The following ABCA13 variants were observed in gnomAD, a reference collection of about 807,000 sequenced individuals.
The protein encoded by ABCA13 is ATP binding cassette subfamily A member 13.
Under a neutral mutation model 478.7 loss-of-function variants are expected in ABCA13, and 476 were observed. The observed-to-expected ratio is 0.99, with a 90% confidence interval of 0.92 to 1.07. The LOEUF (loss-of-function observed/expected upper bound fraction) is 1.07. Among genes scored for constraint, ABCA13 ranks in the 50% least tolerant of loss-of-function variants. The probability of loss-of-function intolerance (pLI) is 0.00; values close to 1 mark genes in which losing one functional copy is unlikely to be tolerated. For missense variants in ABCA13, 6,060 were observed against 5,910.6 expected (o/e 1.03, Z -0.83); for synonymous variants, 2,252 against 2,158.9 (o/e 1.04, Z -1.20).
rs1419540869 is a variant in ABCA13 at position 48,387,939 on chromosome 7, A to G, written c.11453A>G (p.Asn3818Ser). The G allele has an allele frequency of 3.7e-6, 6 of 1,611,550 alleles. No homozygotes were observed. The highest frequency in any genetic ancestry group is 1.7e-4 in the Middle Eastern group (1 of 6,044). Residue 3818 changes from asparagine to serine, a missense_variant, in exon 36 of 62, where the codon AAT (asparagine) becomes AGT (serine). This residue lies in a region of ABCA13 where 1,627 missense variants were observed against 1,571.0 expected (regional missense o/e 1.04). Coordinates refer to ENST00000435803, the MANE Select transcript of ABCA13 (RefSeq NM_152701.5). Reference sequence around the variant, plus strand: ...CTAAGTTCTAGTCTGTTCTTCTTCAATGAGAACTTTGACAATAAAGGTTTG... The same window carrying G: ...CTAAGTTCTAGTCTGTTCTTCTTCAGTGAGAACTTTGACAATAAAGGTTTG... ...YFLSSSLFFFNENFDNKGSSL... is the reference protein window; with the variant it reads ...YFLSSSLFFFSENFDNKGSSL...
chr7:48,222,825 G>A (rs11772774), intron 5 of ABCA13, among the ~76,000 whole-genome samples: 5,818 of 152,148 alleles, frequency 0.038, 199 homozygotes, highest in Admixed American at 0.11. Flanking sequence ...CTGAGCAGAG[G>A]AATGGTGGGA....
intron 35 of ABCA13, among the ~76,000 whole-genome samples, chr7:48,383,332 C>T (rs1247793230): frequency 6.6e-6 from 1 of 152,146 alleles, no homozygotes; most frequent in Non-Finnish European, 1.5e-5. Flanking sequence ...TACATGTGTA[C>T]TCGTGTGTGA....
rs767740714 is a variant in ABCA13, at chr7:48,500,170, C to T, written c.13292-6166C>T. ...CTCTACAGTAGGCTCCATCACGTCT[C>T]GTAGGATTCCTCTTTATGAGACAGG... On this transcript the variant is annotated intron_variant, in intron 48 of 61. Coordinates refer to ENST00000435803, the MANE Select transcript of ABCA13 (RefSeq NM_152701.5). 5.9e-5 allele frequency among the ~76,000 whole-genome samples: 9 copies of T among 152,154 alleles called. No individual in the cohort carries two copies. In the East Asian group the frequency reaches 1.4e-3, roughly 23 times the overall value.
chr7:48,273,146 C>CATATCTCAATT lies in ABCA13; in HGVS notation c.3483_3493dup (p.Phe1165TyrfsTer9). 6.2e-7 allele frequency: 1 copy of CATATCTCAATT among 1,613,658 alleles called. No homozygotes were observed. Among genetic ancestry groups the CATATCTCAATT allele is most frequent in the African/African-American group, 1.3e-5 (1 of 75,012 alleles). On this transcript the variant is annotated frameshift_variant, in exon 17 of 62. Transcript: ENST00000435803. LOFTEE classifies it high-confidence loss of function. ...AAATGTGGACTGAAATCTGGGAAAC[C>CATATCTCAATT]ATATCTCAATTATTTAAGTTTGACA...
intron 55 of ABCA13, among the ~76,000 whole-genome samples, chr7:48,551,311 G>T (rs1268880904): frequency 1.3e-5 from 2 of 151,732 alleles, no homozygotes; most frequent in Non-Finnish European, 1.5e-5. Flanking sequence ...ATTTGGTGAG[G>T]CAATAAAAGT....
chr7:48,429,160 A>G (rs1190520328), intron 42 of ABCA13, among the ~76,000 whole-genome samples: 1 of 152,228 alleles, frequency 6.6e-6, no homozygotes, highest in Non-Finnish European at 1.5e-5. Flanking sequence ...TTGTATAAAT[A>G]TACCACATTT....
chr7:48,230,178 G>T (rs778372983), intron 7 of ABCA13, among the ~76,000 whole-genome samples: 2 of 152,164 alleles, frequency 1.3e-5, no homozygotes, highest in Non-Finnish European at 2.9e-5. Flanking sequence ...TGCAGTCATT[G>T]CTAATATAAA....
At chr7:48,372,897 T>C (rs1320602226) in intron 33 of ABCA13, among the ~76,000 whole-genome samples, 1 of 152,232 alleles carries the variant, frequency 6.6e-6, no homozygotes, top group East Asian at 1.9e-4. Context: ...AAAATCTCTC[T>C]GTTAGCAATG....
chr7:48,343,397 T>G (rs1052419215), intron 29 of ABCA13, among the ~76,000 whole-genome samples: 1 of 152,072 alleles, frequency 6.6e-6, no homozygotes, highest in Admixed American at 6.6e-5. Flanking sequence ...GGTGGGGATC[T>G]CACCTATAAA....
Position 48,272,307 on chromosome 7 carries a change from T to C in ABCA13, c.2641T>C (p.Trp881Arg). Residue 881 changes from tryptophan to arginine, a missense_variant, in exon 17 of 62, where the codon TGG becomes CGG. Around this residue, in one of 3 missense-constraint regions of ABCA13, gnomAD observed 4,423 missense variants for 4,309.1 expected, o/e 1.03. Transcript: ENST00000435803. ...CTTTTCCCAGTTGTTCCATTCAGAT[T>C]GGCCTAAATCACCAGCTATGAACAT... ...FNFSQLFHSD[W>R]PKSPAMNIDF... 6.2e-7 allele frequency: 1 copy of C among 1,613,776 alleles called. No homozygotes were observed. The highest frequency in any genetic ancestry group is 1.1e-5 in the South Asian group (1 of 91,076).
chr7:48,539,128 C>A (rs888544070), intron 55 of ABCA13, among the ~76,000 whole-genome samples: 5 of 152,124 alleles, frequency 3.3e-5, no homozygotes, highest in Non-Finnish European at 7.3e-5. Flanking sequence ...TGCCTGTAAT[C>A]CTAGCACTTT....
At chr7:48,364,457 T>C (rs1002933144) in intron 31 of ABCA13, among the ~76,000 whole-genome samples, 1 of 152,190 alleles carries the variant, frequency 6.6e-6, no homozygotes, top group African/African-American at 2.4e-5. Flanking sequence ...TTTTGAAATA[T>C]ACAAGTTATT....
Position 48,310,221 on chromosome 7 carries a change from G to A in ABCA13, c.9516+80G>A, listed in dbSNP as rs995380855. 2.7e-6 allele frequency: 4 copies of A among 1,466,376 alleles called. No homozygotes were observed. The African/African-American group carries it at 4.2e-5, about 15-fold the overall frequency. The allele number at this position is 1,466,376 out of a possible 1,614,324, so 90.8% of individuals were successfully genotyped here. On this transcript the variant is annotated intron_variant, in intron 24 of 61. Transcript: ENST00000435803. ...CTGCAGATAAGTACAGTAGTCCTAG[G>A]GGTGCGGCAGTGGGAGATCAGCACC...
At chr7:48,420,712 C>T (rs1455274833) in intron 41 of ABCA13, among the ~76,000 whole-genome samples, 5 of 150,708 alleles carry the variant, frequency 3.3e-5, no homozygotes, top group Non-Finnish European at 7.4e-5. Flanking sequence ...AAGCCTGGGC[C>T]TCAGATGTAG....
chr7:48,257,197 G>A (rs1793520549), intron 15 of ABCA13, among the ~76,000 whole-genome samples: 3 of 152,036 alleles, frequency 2.0e-5, no homozygotes, highest in Non-Finnish European at 4.4e-5. Context: ...GCAGACTATG[G>A]GGTTTTCTAG....
At chr7:48,568,823 C>G (rs1353964679) in intron 55 of ABCA13, among the ~76,000 whole-genome samples, 1 of 151,482 alleles carries the variant, frequency 6.6e-6, no homozygotes, top group African/African-American at 2.4e-5. Context: ...ATTTGTGGAT[C>G]TGTTTAGATT....
At chr7:48,181,054 G>A (rs1795630848) in intron 1 of ABCA13, among the ~76,000 whole-genome samples, 1 of 152,060 alleles carries the variant, frequency 6.6e-6, no homozygotes, top group Admixed American at 6.5e-5. Context: ...TTTTAGTTTC[G>A]TTCCATCTGT....
chr7:48,473,338 C>T (rs540756034), intron 45 of ABCA13, among the ~76,000 whole-genome samples: 5 of 152,138 alleles, frequency 3.3e-5, no homozygotes, highest in South Asian at 2.1e-4. Context: ...GTGAGTATGT[C>T]GAAAAAGGAA....
intron 27 of ABCA13, among the ~76,000 whole-genome samples, chr7:48,334,790 C>T (rs1019316718): frequency 1.3e-5 from 2 of 152,080 alleles, no homozygotes; most frequent in Non-Finnish European, 2.9e-5. Context: ...AAGCATTGTC[C>T]CTTTGGCATT....
Sources: gnomAD v4.1 joint callset for allele counts (sites outside exome capture counted in the v4.1 genomes callset) on GRCh38, gnomAD v4.1.1 for gene constraint, gnomAD v4.1.1 regional missense constraint, MANE v1.5 for transcripts, NCBI Gene and HGNC (gene_info 2026-07-23, HGNC 2026-07-21) for gene names.